SPAG16: variants seen among roughly 807,000 people sequenced by gnomAD.
SPAG16 encodes the protein sperm associated antigen 16, also known as sperm-associated antigen 16 protein.
In SPAG16, 86 loss-of-function variants were observed where a neutral mutation model predicts 80.4. The ratio of observed to expected loss-of-function variants is 1.07; its 90% CI spans 0.90 to 1.28. The LOEUF (loss-of-function observed/expected upper bound fraction) is 1.28. Ranked by LOEUF, SPAG16 falls within the 50% of genes most tolerant of loss-of-function variation. The probability of loss-of-function intolerance (pLI) is 0.00; values close to 1 mark genes in which losing one functional copy is unlikely to be tolerated. For missense variants in SPAG16, 870 were observed against 765.3 expected (o/e 1.14, Z -1.61); for synonymous variants, 294 against 265.9 (o/e 1.11, Z -1.03).
chr2:214,171,531 A>G (rs116269570), intron 15 of SPAG16, among the ~76,000 whole-genome samples: 38 of 152,088 alleles, frequency 2.5e-4, no homozygotes, highest in Non-Finnish European at 4.0e-4. Flanking sequence ...TACTTTTCAC[A>G]AACTTGCAAG....
intron 10 of SPAG16, among the ~76,000 whole-genome samples, chr2:213,505,960 G>C (rs2074951679): frequency 6.6e-6 from 1 of 151,386 alleles, no homozygotes; most frequent in Non-Finnish European, 1.5e-5. Flanking sequence ...ATAAATAACA[G>C]CTCTGATTAT....
intron 15 of SPAG16, among the ~76,000 whole-genome samples, chr2:214,231,112 T>C (rs1203742437): frequency 2.6e-5 from 4 of 152,102 alleles, no homozygotes; most frequent in Non-Finnish European, 5.9e-5. Context: ...GATCCAGACA[T>C]CGTTGGAATA....
At chr2:213,517,653 T>C (rs1279467173) in intron 10 of SPAG16, among the ~76,000 whole-genome samples, 1 of 151,842 alleles carries the variant, frequency 6.6e-6, no homozygotes, top group African/African-American at 2.4e-5. Flanking sequence ...AACTCAGAAA[T>C]AAAGCCACAC....
chr2:213,580,165 A>T (rs1166512894), intron 10 of SPAG16, among the ~76,000 whole-genome samples: 2 of 151,964 alleles, frequency 1.3e-5, no homozygotes, highest in African/African-American at 4.8e-5. Flanking sequence ...GAATATCCTT[A>T]TCCCTGAAAT....
intron 15 of SPAG16, among the ~76,000 whole-genome samples, chr2:214,366,681 T>C (rs1217164639): frequency 1.3e-5 from 2 of 152,146 alleles, no homozygotes; most frequent in Non-Finnish European, 2.9e-5. Flanking sequence ...CAAACATGGT[T>C]TGATTGCTGC....
In SPAG16 at chr2:214,014,064, G is replaced by T. The variant is rs867253326; in HGVS notation, c.1514G>T (p.Trp505Leu). 6.2e-7 allele frequency: 1 copy of T among 1,612,404 alleles called. No homozygotes were observed. The highest frequency in any genetic ancestry group is 1.3e-5 in the African/African-American group (1 of 74,850). ...TSSADKTLSIWDARTGICEQS... is the reference protein window; with the variant it reads ...TSSADKTLSILDARTGICEQS... ...TCTGCAGACAAGACCCTGTCTATAT[G>T]GGATGCAAGAACAGTAAGCAAATCA... Residue 505 changes from tryptophan to leucine, a missense_variant, in exon 13 of 16, where the codon TGG becomes TTG. Trp to Leu is a moderately conservative substitution (Grantham distance 61). Transcript: ENST00000331683.
At chr2:214,149,301 C>T in intron 15 of SPAG16, 35 bp downstream of exon 15, 2 of 1,470,154 alleles carry the variant, frequency 1.4e-6, no homozygotes, top group Non-Finnish European at 9.1e-7. Flanking sequence ...TCTGACTAAG[C>T]CAATAACATT....
intron 10 of SPAG16, among the ~76,000 whole-genome samples, chr2:213,509,603 TG>T (rs2075137125): frequency 6.6e-6 from 1 of 152,148 alleles, no homozygotes; most frequent in Non-Finnish European, 1.5e-5. Context: ...GGAATAAAGA[TG>T]TTCTTTGAAA....
At chr2:214,258,007 TATTC>T (rs1486996103) in intron 15 of SPAG16, among the ~76,000 whole-genome samples, 2 of 152,142 alleles carry the variant, frequency 1.3e-5, no homozygotes, top group African/African-American at 4.8e-5. Context: ...CAGATTTTAT[TATTC>T]ATTTCATGTT....
chr2:214,301,838 T>C (rs1694574411), intron 15 of SPAG16, among the ~76,000 whole-genome samples: 1 of 152,144 alleles, frequency 6.6e-6, no homozygotes, highest in Admixed American at 6.5e-5. Context: ...TATTTGTTCT[T>C]GTTTTTTAGT....
At chr2:213,417,371 C>A (rs1017865634) in intron 9 of SPAG16, among the ~76,000 whole-genome samples, 2 of 152,216 alleles carry the variant, frequency 1.3e-5, no homozygotes, top group African/African-American at 4.8e-5. Flanking sequence ...GCTTTCACAG[C>A]TTCACAATAT....
chr2:214,208,662 A>AT (rs1391573237), intron 15 of SPAG16, among the ~76,000 whole-genome samples: 8 of 150,140 alleles, frequency 5.3e-5, no homozygotes, highest in East Asian at 3.9e-4. Flanking sequence ...TGAGGTTGCA[A>AT]TTTTTTTTTT....
chr2:213,339,646 T>A (rs2064568015), intron 5 of SPAG16, among the ~76,000 whole-genome samples: 1 of 152,206 alleles, frequency 6.6e-6, no homozygotes, highest in South Asian at 2.1e-4. Flanking sequence ...GATCCACTGA[T>A]GATATATATT....
At chr2:213,899,144 A>G (rs1049032249) in intron 11 of SPAG16, among the ~76,000 whole-genome samples, 7 of 152,082 alleles carry the variant, frequency 4.6e-5, no homozygotes, top group African/African-American at 1.7e-4. Flanking sequence ...GTGAGTTAGG[A>G]TAGTGTGGAT....
At chr2:213,885,360 T>C (rs948487515) in intron 11 of SPAG16, among the ~76,000 whole-genome samples, 6 of 152,188 alleles carry the variant, frequency 3.9e-5, no homozygotes, top group Non-Finnish European at 1.5e-5. Flanking sequence ...CCATGAACTA[T>C]AGTGTGTTGG....
chr2:213,721,605 C>T (rs1333270999), intron 10 of SPAG16, among the ~76,000 whole-genome samples: 1 of 152,168 alleles, frequency 6.6e-6, no homozygotes, highest in Non-Finnish European at 1.5e-5. Context: ...AATAACCATT[C>T]ATTGCAAATT....
At chr2:214,225,154 C>G (rs1311937710) in intron 15 of SPAG16, among the ~76,000 whole-genome samples, 1 of 152,130 alleles carries the variant, frequency 6.6e-6, no homozygotes, top group Non-Finnish European at 1.5e-5. Context: ...AATGTAGCTG[C>G]AAGACAATAA....
intron 10 of SPAG16, among the ~76,000 whole-genome samples, chr2:213,839,410 C>T (rs970499464): frequency 5.3e-5 from 8 of 152,098 alleles, no homozygotes; most frequent in Non-Finnish European, 8.8e-5. Flanking sequence ...TCCATCTCTT[C>T]CAAAAATACC....
At chr2:214,203,605 G>A (rs190457139) in intron 15 of SPAG16, among the ~76,000 whole-genome samples, 1 of 152,290 alleles carries the variant, frequency 6.6e-6, no homozygotes, top group East Asian at 1.9e-4. Flanking sequence ...ACCTGGAGCT[G>A]AGACAAATTT....
Sources: allele counts gnomAD v4.1 joint callset (sites outside exome capture counted in the v4.1 genomes callset), GRCh38; gene constraint gnomAD v4.1.1; transcripts MANE v1.5; gene names NCBI Gene and HGNC (gene_info 2026-07-23, HGNC 2026-07-21).